Variants in KAT6B observed in about 807,000 individuals in gnomAD.
The protein encoded by KAT6B is histone acetyltransferase KAT6B.
In KAT6B, 10 loss-of-function variants were observed where a neutral mutation model predicts 187.5. The ratio of observed to expected loss-of-function variants is 0.05; its 90% CI spans 0.03 to 0.09. The LOEUF (loss-of-function observed/expected upper bound fraction) is 0.09, where lower values mean the gene tolerates loss of function less well. Ranked by LOEUF, KAT6B falls within the 10% of genes least tolerant of loss-of-function variation. The pLI is 1.00. For synonymous variants in KAT6B, 861 were observed against 926.8 expected, an observed-to-expected ratio of 0.93 and a Z score of 1.29; for missense variants, 1,952 against 2,558.9, an observed-to-expected ratio of 0.76 and a Z score of 5.12.
rs183812779 is a variant in KAT6B, at chr10:74,993,508, A to C, written c.2629+4396A>C. Among the ~76,000 whole-genome samples, 751 of 152,306 alleles carry C rather than the reference A, an allele frequency of 4.9e-3. 5 individuals are homozygous for C. Among genetic ancestry groups the C allele is most frequent in the African/African-American group, 0.017 (715 of 41,566 alleles). ...GCAGTTTTTCTACAAAGATGCTCTC[A>C]TATATAGCCACAATACAAATTATTA... On this transcript the variant is annotated intron_variant, in intron 13 of 17. Coordinates refer to ENST00000287239, the MANE Select transcript of KAT6B (RefSeq NM_012330.4).
At chr10:74,977,885 A>G (rs1589742660) in intron 9 of KAT6B, among the ~76,000 whole-genome samples, 1 of 152,200 alleles carries the variant, frequency 6.6e-6, no homozygotes, top group East Asian at 1.9e-4. Flanking sequence ...TGAAAACAAT[A>G]TTTTGTTTCA....
intron 2 of KAT6B, among the ~76,000 whole-genome samples, chr10:74,842,120 G>A (rs1841787855): frequency 1.3e-5 from 2 of 152,160 alleles, no homozygotes; most frequent in Admixed American, 6.5e-5. Flanking sequence ...AGCTAGATGG[G>A]AAGTTTTTTT....
intron 3 of KAT6B, among the ~76,000 whole-genome samples, chr10:74,929,654 A>AT (rs1848732607): frequency 6.6e-6 from 1 of 152,190 alleles, no homozygotes; most frequent in East Asian, 1.9e-4. Flanking sequence ...ATGGGAAAAT[A>AT]TATATGGCTT....
At chr10:74,909,436 C>G (rs1847032718) in intron 3 of KAT6B, among the ~76,000 whole-genome samples, 1 of 152,154 alleles carries the variant, frequency 6.6e-6, no homozygotes, top group South Asian at 2.1e-4. Context: ...AGGGTTTACC[C>G]TTGTGTATAC....
chr10:75,015,109 T>C (rs1844889828), intron 13 of KAT6B, among the ~76,000 whole-genome samples: 1 of 152,168 alleles, frequency 6.6e-6, no homozygotes, highest in Admixed American at 6.5e-5. Context: ...GAATTTAAAG[T>C]TCTAGCAAGT....
Position 74,843,431 on chromosome 10 carries a change from C to T in KAT6B, c.574C>T (p.Pro192Ser). 3.1e-6 allele frequency: 5 copies of T among 1,614,004 alleles called. No individual in the cohort carries two copies. Among genetic ancestry groups the T allele is most frequent in the Non-Finnish European group, 4.2e-6 (5 of 1,180,018 alleles). Residue 192 changes from proline to serine, a missense_variant, in exon 3 of 18, where the codon CCA (proline) becomes TCA (serine). Pro to Ser is a moderately conservative substitution (Grantham distance 74). Around this residue, in one of 9 missense-constraint regions of KAT6B, gnomAD observed 218 missense variants for 282.6 expected, o/e 0.77. Transcript: ENST00000287239. ...KGAPQYPSAF[P>S]SSLPPVSLLP... The stretch of plus-strand genomic sequence containing the variant: ...GGCACCTCAGTATCCCAGTGCATTC[C>T]CATCCTCGCTCCCACCTGTCAGCCT...
chr10:75,025,444 A>G (rs1039451519), intron 17 of KAT6B, 195 bp downstream of exon 17: 12 of 579,706 alleles, frequency 2.1e-5, no homozygotes, highest in Non-Finnish European at 3.0e-5. Flanking sequence ...TTTATGTTAA[A>G]CAACTTCTAA....
chr10:74,873,380 GC>G (rs1396946997), intron 3 of KAT6B, among the ~76,000 whole-genome samples: 8 of 151,574 alleles, frequency 5.3e-5, no homozygotes, highest in African/African-American at 1.9e-4. Context: ...CAGGAGGATC[GC>G]TTGAGCCCAG....
rs147884665 is a variant in KAT6B, at chr10:75,029,034, C to T, written c.4210C>T (p.Arg1404Cys). ...CTCCACGGAAAAAGAAGACTCTGCA[C>T]GTTTGGATGATCACGAAGAGGAGGA... The part of the protein sequence containing the change: ...EISTEKEDSA[R>C]LDDHEEEEEE... Residue 1404 changes from arginine (R) to cysteine (C), a missense_variant, in exon 18 of 18, where the codon CGT (arginine) becomes TGT (cysteine). Transcript: ENST00000287239. The surrounding 1 kb of genome is among the most constrained non-coding windows in gnomAD (Gnocchi z 6.2). 16 of 1,613,940 alleles carry T rather than the reference C, an allele frequency of 9.9e-6. No homozygotes were observed. Among genetic ancestry groups the T allele is most frequent in the African/African-American group, 9.3e-5 (7 of 74,926 alleles).
chr10:74,998,788 T>TA (rs1489896645), intron 13 of KAT6B, among the ~76,000 whole-genome samples: 1 of 152,186 alleles, frequency 6.6e-6, no homozygotes, highest in Non-Finnish European at 1.5e-5. Context: ...CTGGGCCTGG[T>TA]AGCTTGTGAC....
intron 7 of KAT6B, among the ~76,000 whole-genome samples, chr10:74,973,845 G>C (rs185568964): frequency 1.9e-3 from 285 of 152,092 alleles, no homozygotes; most frequent in African/African-American, 6.4e-3. Context: ...TGTAAGCATT[G>C]TTCCCAACAT....
intron 1 of KAT6B, among the ~76,000 whole-genome samples, chr10:74,835,729 T>C (rs558926915): frequency 6.6e-6 from 1 of 152,374 alleles, no homozygotes; most frequent in East Asian, 1.9e-4. Flanking sequence ...CTATGTAAAG[T>C]ACCTGGACCA....
chr10:74,900,264 A>G (rs980904624), intron 3 of KAT6B, among the ~76,000 whole-genome samples: 1 of 152,234 alleles, frequency 6.6e-6, no homozygotes, highest in Non-Finnish European at 1.5e-5. Flanking sequence ...AATTTAAAAT[A>G]TCTTATTGAA....
At chr10:74,923,879 C>T (rs961219801) in intron 3 of KAT6B, among the ~76,000 whole-genome samples, 1 of 152,142 alleles carries the variant, frequency 6.6e-6, no homozygotes, top group Admixed American at 6.5e-5. Context: ...TGAGAATAAG[C>T]TGTAGGCGGC....
At chr10:74,866,131 A>T (rs1843539563) in intron 3 of KAT6B, among the ~76,000 whole-genome samples, 1 of 152,060 alleles carries the variant, frequency 6.6e-6, no homozygotes, top group South Asian at 2.1e-4. Flanking sequence ...GGATGACAAT[A>T]TTAAAAAATT....
intron 4 of KAT6B, among the ~76,000 whole-genome samples, chr10:74,967,354 T>C (rs1374767018): frequency 2.0e-5 from 3 of 151,524 alleles, no homozygotes; most frequent in Admixed American, 1.3e-4. Context: ...AATTAAAGTG[T>C]TAGAGGAAAT....
At chr10:74,827,941 G>C (rs1840392565) in intron 1 of KAT6B, among the ~76,000 whole-genome samples, 1 of 152,158 alleles carries the variant, frequency 6.6e-6, no homozygotes, top group African/African-American at 2.4e-5. Context: ...ACAGACGTGA[G>C]CTATGGCGAC....
At position 74,868,809 on chromosome 10, in the gene KAT6B, C is replaced by T. The variant is rs543566315; in HGVS notation, c.621+25331C>T. Among the ~76,000 whole-genome samples the T allele has an allele frequency of 7.9e-5, 12 of 152,288 alleles. No homozygotes were observed. In the East Asian group the frequency reaches 2.3e-3, roughly 29 times the overall value. On this transcript the variant is annotated intron_variant, in intron 3 of 17. Coordinates refer to ENST00000287239, the MANE Select transcript of KAT6B (RefSeq NM_012330.4). Reference sequence around the variant, plus strand: ...CTCACCACAACTTTATGAGGCAGGTCTTGTTAGCTCCATGTTAGAGATGAT... The same window carrying T: ...CTCACCACAACTTTATGAGGCAGGTTTTGTTAGCTCCATGTTAGAGATGAT...
upstream of KAT6B, among the ~76,000 whole-genome samples, chr10:74,826,374 C>T (rs1840216909): frequency 6.6e-6 from 1 of 151,396 alleles, no homozygotes; most frequent in Non-Finnish European, 1.5e-5. Context: ...GACCCTCCCC[C>T]GGGGTGGTGC....
Sources: allele counts gnomAD v4.1 joint callset (sites outside exome capture counted in the v4.1 genomes callset), GRCh38; gene constraint gnomAD v4.1.1; regional missense constraint gnomAD v4.1.1; non-coding constraint Gnocchi (gnomAD v3.1); transcripts MANE v1.5; gene names NCBI Gene and HGNC (gene_info 2026-07-23, HGNC 2026-07-21).